Variants in GRID2 observed in about 807,000 individuals in gnomAD.
GRID2 encodes glutamate ionotropic receptor delta type subunit 2.
In GRID2, 33 loss-of-function variants were observed where a neutral mutation model predicts 114.8. The ratio of observed to expected loss-of-function variants is 0.29; its 90% CI spans 0.22 to 0.38. The LOEUF is 0.38. GRID2 is among the 10% of genes least tolerant of loss of function. The pLI, the probability that GRID2 is intolerant of heterozygous loss-of-function variation, is 1.00. For synonymous variants in GRID2, 505 were observed against 449.9 expected (o/e 1.12, Z -1.55); for missense variants, 1,184 against 1,257.7 (o/e 0.94, Z 0.89).
intron 4 of GRID2, among the ~76,000 whole-genome samples, chr4:93,186,832 G>C (rs1740469537): frequency 6.6e-6 from 1 of 152,002 alleles, no homozygotes; most frequent in Non-Finnish European, 1.5e-5. Context: ...TTATATGACT[G>C]TCTTTGTTTG....
At chr4:92,817,455 A>G (rs1374221807) in intron 2 of GRID2, among the ~76,000 whole-genome samples, 2 of 151,848 alleles carry the variant, frequency 1.3e-5, no homozygotes, top group Admixed American at 6.6e-5. Flanking sequence ...CCTTACCAAA[A>G]CCTTTAAGTT....
At chr4:92,446,390 C>G (rs558233693) in intron 1 of GRID2, among the ~76,000 whole-genome samples, 2 of 152,312 alleles carry the variant, frequency 1.3e-5, no homozygotes, top group South Asian at 4.1e-4. Context: ...TATATAGTTG[C>G]TCCAGTATGT....
At chr4:93,323,290 T>G (rs1757442834) in intron 8 of GRID2, among the ~76,000 whole-genome samples, 1 of 152,208 alleles carries the variant, frequency 6.6e-6, no homozygotes, top group Non-Finnish European at 1.5e-5. Context: ...CCAGCACCAT[T>G]TATTAAATAG....
chr4:93,606,288 A>G (rs1380329693), intron 13 of GRID2, among the ~76,000 whole-genome samples: 1 of 152,134 alleles, frequency 6.6e-6, no homozygotes, highest in East Asian at 1.9e-4. Context: ...CAAATAAAAA[A>G]ATGTAGAACT....
intron 1 of GRID2, among the ~76,000 whole-genome samples, chr4:92,477,831 T>A (rs1579435319): frequency 6.8e-6 from 1 of 147,312 alleles, no homozygotes; most frequent in African/African-American, 2.5e-5. Flanking sequence ...TAATATATAT[T>A]TTAATATATA....
intron 14 of GRID2, among the ~76,000 whole-genome samples, chr4:93,749,819 C>T (rs925092041): frequency 1.3e-5 from 2 of 152,176 alleles, no homozygotes; most frequent in Non-Finnish European, 2.9e-5. Flanking sequence ...ACAAAAAAGT[C>T]TTTGGTTGTT....
At chr4:92,356,584 G>A (rs952609644) in intron 1 of GRID2, among the ~76,000 whole-genome samples, 5 of 151,480 alleles carry the variant, frequency 3.3e-5, no homozygotes, top group Admixed American at 2.6e-4. Context: ...GTGTGTATGT[G>A]CAGTAAACAC....
intron 5 of GRID2, among the ~76,000 whole-genome samples, chr4:93,216,394 CA>C (rs1279127375): frequency 6.6e-6 from 1 of 151,812 alleles, no homozygotes; most frequent in Non-Finnish European, 1.5e-5. Context: ...ACTATAATAG[CA>C]ACTTACTTTG....
At chr4:93,130,620 C>G (rs752937380) in intron 4 of GRID2, among the ~76,000 whole-genome samples, 1 of 152,082 alleles carries the variant, frequency 6.6e-6, no homozygotes, top group African/African-American at 2.4e-5. Context: ...GCTTAATGGA[C>G]GGATACCTTT....
rs1752351088 is a variant in GRID2 at position 92,955,653 on chromosome 4, G to A, written c.245-129342G>A. 2.6e-5 allele frequency among the ~76,000 whole-genome samples: 4 copies of A among 152,050 alleles called. No individual in the cohort carries two copies. In the South Asian group the frequency reaches 8.3e-4, roughly 31 times the overall value. On this transcript the variant is annotated intron_variant, in intron 2 of 15. Transcript: ENST00000282020. ...CCATTTGTCAATTTTGGCTTTTGTT[G>A]CCATTGCTTTTGGTGTTTTAGACAT...
At chr4:93,528,275 A>T (rs1392090641) in intron 13 of GRID2, among the ~76,000 whole-genome samples, 1 of 151,976 alleles carries the variant, frequency 6.6e-6, no homozygotes, top group South Asian at 2.1e-4. Flanking sequence ...ATGGCTCTCA[A>T]TTATCTTGGG....
intron 8 of GRID2, among the ~76,000 whole-genome samples, chr4:93,317,469 A>AC: frequency 6.6e-6 from 1 of 152,208 alleles, no homozygotes; most frequent in South Asian, 2.1e-4. Context: ...ACAAACAGAC[A>AC]AGGGACAGCT....
Position 92,773,728 on chromosome 4 carries a change from A to T in GRID2, c.244+183442A>T, listed in dbSNP as rs578259592. 4.1e-4 allele frequency among the ~76,000 whole-genome samples: 62 copies of T among 152,208 alleles called. No individual in the cohort carries two copies. The East Asian group carries it at 0.012, about 28-fold the overall frequency. ...ATTTTTGTTTTATCTATCTATTTTA[A>T]AGAGGCCACAGTCACACTATATCCC... On this transcript the variant is annotated intron_variant, in intron 2 of 15. Coordinates refer to ENST00000282020, the MANE Select transcript of GRID2 (RefSeq NM_001510.4).
At chr4:92,421,798 T>C (rs1731922544) in intron 1 of GRID2, among the ~76,000 whole-genome samples, 1 of 152,068 alleles carries the variant, frequency 6.6e-6, no homozygotes, top group Admixed American at 6.6e-5. Context: ...AATCCAGAAC[T>C]ATACAAAGAA....
intron 2 of GRID2, among the ~76,000 whole-genome samples, chr4:92,936,962 G>T (rs1331156923): frequency 6.8e-6 from 1 of 146,338 alleles, no homozygotes; most frequent in Non-Finnish European, 1.5e-5. Context: ...TCATGTGCTT[G>T]TAAATAATTT....
chr4:93,533,844 TA>T (rs1268060142), intron 13 of GRID2, among the ~76,000 whole-genome samples: 1 of 152,130 alleles, frequency 6.6e-6, no homozygotes, highest in Non-Finnish European at 1.5e-5. Context: ...CTGCTTTCAA[TA>T]TTGCAATATA....
At chr4:93,628,884 G>A (rs995079602) in intron 14 of GRID2, among the ~76,000 whole-genome samples, 9 of 151,130 alleles carry the variant, frequency 6.0e-5, no homozygotes, top group African/African-American at 2.2e-4. Context: ...TCCTGCCTCA[G>A]CCTCCCAAGT....
chr4:92,934,013 C>G (rs936121810), intron 2 of GRID2, among the ~76,000 whole-genome samples: 3 of 151,666 alleles, frequency 2.0e-5, no homozygotes, highest in Non-Finnish European at 3.0e-5. Context: ...CAAGTATACA[C>G]AGCAAGTTTG....
At chr4:93,179,390 AC>A (rs2149433448) in intron 4 of GRID2, among the ~76,000 whole-genome samples, 1 of 152,314 alleles carries the variant, frequency 6.6e-6, no homozygotes, top group East Asian at 1.9e-4. Context: ...AATGAAATGT[AC>A]AAGTGTCATT....
Sources: allele counts gnomAD v4.1 joint callset (sites outside exome capture counted in the v4.1 genomes callset), GRCh38; gene constraint gnomAD v4.1.1; transcripts MANE v1.5; gene names NCBI Gene and HGNC (gene_info 2026-07-23, HGNC 2026-07-21).